Variants in SPAG16 observed in about 807,000 individuals in gnomAD.
SPAG16 encodes the protein sperm-associated antigen 16 protein.
A neutral mutation model predicts 80.4 loss-of-function variants in SPAG16; 86 were observed. The ratio of observed to expected loss-of-function variants is 1.07; its 90% CI spans 0.90 to 1.28. The LOEUF (loss-of-function observed/expected upper bound fraction) is 1.28, where lower values mean the gene tolerates loss of function less well. Ranked by LOEUF, SPAG16 falls within the 50% of genes most tolerant of loss-of-function variation. The pLI is 0.00. For synonymous variants in SPAG16, 294 were observed against 265.9 expected, an observed-to-expected ratio of 1.11 and a Z score of -1.03; for missense variants, 870 against 765.3, an observed-to-expected ratio of 1.14 and a Z score of -1.61.
intron 9 of SPAG16, among the ~76,000 whole-genome samples, chr2:213,476,901 G>C (rs565345611): frequency 6.6e-6 from 1 of 152,158 alleles, no homozygotes; most frequent in Non-Finnish European, 1.5e-5. Flanking sequence ...AAAGGAATAA[G>C]GTATGTGGAC....
In SPAG16 at chr2:213,986,304, C is replaced by G. The variant is rs13390411; in HGVS notation, c.1401-27647C>G. ...AGAACCCATGAGTATGTAAGATTGG[C>G]TGGACTATATTTTTCCCACCGTTTA... On this transcript the variant is annotated intron_variant, in intron 12 of 15. Transcript: ENST00000331683. 6.1e-3 allele frequency among the ~76,000 whole-genome samples: 933 copies of G among 152,074 alleles called. 6 individuals are homozygous for G. Among genetic ancestry groups the G allele is most frequent in the Admixed American group, 0.011 (168 of 15,218 alleles).
chr2:213,976,248 A>G (rs1575702447), intron 12 of SPAG16, among the ~76,000 whole-genome samples: 1 of 150,796 alleles, frequency 6.6e-6, no homozygotes, highest in African/African-American at 2.4e-5. Context: ...GTGTATACAT[A>G]CGTGTATATA....
In SPAG16 at chr2:214,054,186, C is replaced by G. The variant is rs934578528; in HGVS notation, c.1527+40109C>G. Among the ~76,000 whole-genome samples the G allele has an allele frequency of 3.9e-5, 6 of 152,168 alleles. No individual in the cohort carries two copies. In the East Asian group the frequency reaches 1.2e-3, roughly 29 times the overall value. On this transcript the variant is annotated intron_variant, in intron 13 of 15. Transcript: ENST00000331683. ...CCCCATACCCGGCTAATTTTTGTAT[C>G]TTTAGTATAGACGGGGTTTTGCCGT...
chr2:214,259,246 C>G (rs1336005687), intron 15 of SPAG16, among the ~76,000 whole-genome samples: 1 of 151,784 alleles, frequency 6.6e-6, no homozygotes. Flanking sequence ...AGGTGGCCAG[C>G]AACTCAAATA....
chr2:213,284,617 A>G lies in SPAG16; in HGVS notation c.134A>G (p.Glu45Gly). 4 of 1,608,182 alleles carry G rather than the reference A, an allele frequency of 2.5e-6. No individual in the cohort carries two copies. The highest frequency in any genetic ancestry group is 2.5e-6 in the Non-Finnish European group (3 of 1,177,924). Residue 45 changes from glutamate (E) to glycine (G), a missense_variant and splice_region_variant, in exon 1 of 16, where the codon GAA becomes GGA. By Grantham distance (98) the Glu-to-Gly change is moderately conservative (BLOSUM62 -2). Coordinates refer to ENST00000331683, the MANE Select transcript of SPAG16 (RefSeq NM_024532.5). Reference sequence around the variant, plus strand: ...GCGGCTGAGGGCGCCTACTACCTGGAACGTATCCTTCCCGTGGAGGCGCGG... The same window carrying G: ...GCGGCTGAGGGCGCCTACTACCTGGGACGTATCCTTCCCGTGGAGGCGCGG... ...AVAAEGAYYL[E>G]QVTITEASED...
intron 10 of SPAG16, among the ~76,000 whole-genome samples, chr2:213,512,783 C>A (rs2125820161): frequency 6.6e-6 from 1 of 152,230 alleles, no homozygotes; most frequent in Non-Finnish European, 1.5e-5. Context: ...TATCTCCAGG[C>A]ATTTCCTGCG....
intron 12 of SPAG16, among the ~76,000 whole-genome samples, chr2:214,000,694 G>A (rs2046751179): frequency 6.6e-6 from 1 of 152,154 alleles, no homozygotes; most frequent in Non-Finnish European, 1.5e-5. Flanking sequence ...CTAGTGATTG[G>A]TGCTAAAAAG....
intron 9 of SPAG16, among the ~76,000 whole-genome samples, chr2:213,403,973 T>A (rs561870955): frequency 7.2e-5 from 11 of 152,108 alleles, no homozygotes; most frequent in African/African-American, 2.4e-4. Context: ...TCAAAGAGAA[T>A]AAAATACCTA....
At chr2:214,036,281 C>T (rs1428326057) in intron 13 of SPAG16, among the ~76,000 whole-genome samples, 1 of 152,134 alleles carries the variant, frequency 6.6e-6, no homozygotes, top group South Asian at 2.1e-4. Flanking sequence ...TCTTTGAGCA[C>T]TCTCCCAACT....
At chr2:213,327,488 C>T (rs10206666) in intron 5 of SPAG16, among the ~76,000 whole-genome samples, 30,840 of 151,924 alleles carry the variant, frequency 0.2, 3,893 homozygotes, top group Non-Finnish European at 0.29. Flanking sequence ...CACAAATAGG[C>T]TTCTAATGTA....
intron 10 of SPAG16, among the ~76,000 whole-genome samples, chr2:213,588,120 T>A (rs1392751576): frequency 6.6e-6 from 1 of 152,222 alleles, no homozygotes; most frequent in Non-Finnish European, 1.5e-5. Context: ...TAAAATGAAA[T>A]GTAACATTTA....
chr2:213,445,188 A>G (rs998517387), intron 9 of SPAG16, among the ~76,000 whole-genome samples: 1 of 152,222 alleles, frequency 6.6e-6, no homozygotes, highest in Non-Finnish European at 1.5e-5. Context: ...CTGCGCAACA[A>G]TGAGAACAAC....
chr2:213,885,153 A>T (rs1453716715), intron 11 of SPAG16, among the ~76,000 whole-genome samples: 1 of 152,202 alleles, frequency 6.6e-6, no homozygotes, highest in Non-Finnish European at 1.5e-5. Flanking sequence ...GGATGTTTTT[A>T]GACAGCCAAT....
intron 11 of SPAG16, among the ~76,000 whole-genome samples, chr2:213,875,153 G>C (rs1419818198): frequency 6.6e-6 from 1 of 150,932 alleles, no homozygotes; most frequent in African/African-American, 2.4e-5. Context: ...TGCCCACGCT[G>C]GTCTCAAACT....
At chr2:214,377,910 G>A (rs1574450300) in intron 15 of SPAG16, among the ~76,000 whole-genome samples, 1 of 152,314 alleles carries the variant, frequency 6.6e-6, no homozygotes, top group African/African-American at 2.4e-5. Context: ...TGAGAGGGAT[G>A]TTTGCAGATG....
intron 3 of SPAG16, among the ~76,000 whole-genome samples, chr2:213,307,413 T>A (rs1296366345): frequency 2.6e-4 from 36 of 140,086 alleles, no homozygotes; most frequent in East Asian, 8.7e-4. Context: ...TGTCCATGTG[T>A]TCTCATTGTT....
intron 10 of SPAG16, among the ~76,000 whole-genome samples, chr2:213,818,257 C>G (rs371549674): frequency 6.6e-6 from 1 of 152,088 alleles, no homozygotes; most frequent in East Asian, 1.9e-4. Context: ...TGGATATTAC[C>G]TGGTAGAGTT....
chr2:213,422,237 C>G, intron 9 of SPAG16: 1 of 701,924 alleles, frequency 1.4e-6, no homozygotes, highest in Admixed American at 2.0e-5. Context: ...TGTGCAGTTT[C>G]AGATGTTTCC....
At chr2:213,406,054 A>G (rs1299468968) in intron 9 of SPAG16, among the ~76,000 whole-genome samples, 1 of 152,234 alleles carries the variant, frequency 6.6e-6, no homozygotes, top group Non-Finnish European at 1.5e-5. Flanking sequence ...AGGTTGCCTT[A>G]GGTTCAGCAT....
Sources: allele counts gnomAD v4.1 joint callset (sites outside exome capture counted in the v4.1 genomes callset), GRCh38; gene constraint gnomAD v4.1.1; transcripts MANE v1.5; gene names NCBI Gene and HGNC (gene_info 2026-07-23, HGNC 2026-07-21).